Variants in SLCO2A1 observed in about 807,000 individuals in gnomAD.
SLCO2A1 encodes the protein solute carrier organic anion transporter family member 2A1.
SLCO2A1 carries 60 observed loss-of-function variants against 71.7 expected under a neutral mutation model. The ratio of observed to expected loss-of-function variants is 0.84; its 90% confidence interval spans 0.68 to 1.04. The LOEUF (loss-of-function observed/expected upper bound fraction) is 1.04. Among genes scored for constraint, SLCO2A1 ranks in the 50% least tolerant of loss-of-function variants. The pLI, the probability that SLCO2A1 is intolerant of heterozygous loss-of-function variation, is 0.00. For missense variants in SLCO2A1, 745 were observed against 813.4 expected (o/e 0.92, Z 1.02); for synonymous variants, 308 against 326.7 (o/e 0.94, Z 0.62).
chr3:134,005,376 G>C (rs1935184684), intron 1 of SLCO2A1, among the ~76,000 whole-genome samples: 1 of 151,480 alleles, frequency 6.6e-6, no homozygotes, highest in Non-Finnish European at 1.5e-5. Context: ...TATTGTTTTA[G>C]ATGTCTCTTT....
intron 3 of SLCO2A1, among the ~76,000 whole-genome samples, chr3:133,959,899 T>C (rs1181897367): frequency 6.6e-6 from 1 of 151,420 alleles, no homozygotes; most frequent in Non-Finnish European, 1.5e-5. Context: ...GGCGGGCAGA[T>C]CACAAGGTCA....
chr3:133,986,968 C>G (rs1934728466), intron 1 of SLCO2A1, among the ~76,000 whole-genome samples: 1 of 152,128 alleles, frequency 6.6e-6, no homozygotes, highest in Non-Finnish European at 1.5e-5. Flanking sequence ...ATAGGAACAC[C>G]AGCGGAAGGT....
intron 9 of SLCO2A1, 98 bp downstream of exon 9, chr3:133,947,158 A>C: frequency 9.2e-7 from 1 of 1,081,230 alleles, no homozygotes; most frequent in Non-Finnish European, 1.3e-6. Flanking sequence ...GTGTACAGCA[A>C]AGAATAGAGT....
Position 133,934,658 on chromosome 3 carries a change from G to T in SLCO2A1, c.*55C>A. 2.5e-6 allele frequency: 3 copies of T among 1,184,484 alleles called. No homozygotes were observed. The highest frequency in any genetic ancestry group is 3.8e-6 in the Non-Finnish European group (3 of 792,398). 73.4% of individuals were successfully genotyped at this position (1,184,484 alleles called of 1,614,324 possible). On this transcript the variant is annotated 3_prime_UTR_variant, in exon 14 of 14. Coordinates refer to ENST00000310926, the MANE Select transcript of SLCO2A1 (RefSeq NM_005630.3). ...GTGTTAACATTAGTGAGTATAGGCA[G>T]GTGTGGAAGAGTCAAGGTCCACTCT...
Position 133,951,547 on chromosome 3 carries a change from A to C in SLCO2A1, c.725-203T>G, listed in dbSNP as rs4854769. ...AGAGGACCAAGGCCACTGCACATGA[A>C]GCACAGCATCAGAAAATCCCCGGGC... On this transcript the variant is annotated intron_variant, in intron 5 of 13. Coordinates refer to ENST00000310926, the MANE Select transcript of SLCO2A1 (RefSeq NM_005630.3). 0.24 allele frequency among the ~76,000 whole-genome samples: 36,759 copies of C among 152,142 alleles called. 4,633 individuals are homozygous for C. The highest frequency in any genetic ancestry group is 0.3 in the African/African-American group (12,501 of 41,486).
intron 3 of SLCO2A1, among the ~76,000 whole-genome samples, chr3:133,969,113 C>T (rs1265149402): frequency 2.0e-5 from 3 of 152,156 alleles, no homozygotes; most frequent in African/African-American, 4.8e-5. Flanking sequence ...ATTTCAAATA[C>T]CACAACAAGG....
At chr3:133,955,865 G>A (rs951006798) in intron 3 of SLCO2A1, among the ~76,000 whole-genome samples, 7 of 152,200 alleles carry the variant, frequency 4.6e-5, no homozygotes, top group African/African-American at 1.2e-4. Context: ...AGACCCTCTC[G>A]TTCAGCCTCT....
At chr3:134,001,684 G>A (rs1016660349) in intron 1 of SLCO2A1, among the ~76,000 whole-genome samples, 3 of 152,124 alleles carry the variant, frequency 2.0e-5, no homozygotes, top group African/African-American at 7.2e-5. Flanking sequence ...GTGAGAGTGA[G>A]GGGCTTCAGT....
intron 1 of SLCO2A1, among the ~76,000 whole-genome samples, chr3:134,012,140 C>T (rs1935358729): frequency 1.3e-5 from 2 of 152,298 alleles, no homozygotes; most frequent in African/African-American, 4.8e-5. Context: ...CATGTCCCAG[C>T]AACGCCCACC....
chr3:134,004,931 A>G (rs1337075722), intron 1 of SLCO2A1, among the ~76,000 whole-genome samples: 2 of 152,260 alleles, frequency 1.3e-5, no homozygotes, highest in Non-Finnish European at 2.9e-5. Context: ...TTACAGCAGC[A>G]ATAGGAGACT....
chr3:134,014,524 C>G (rs1053590920), intron 1 of SLCO2A1, among the ~76,000 whole-genome samples: 3 of 152,166 alleles, frequency 2.0e-5, no homozygotes, highest in African/African-American at 7.2e-5. Context: ...ACTGAAAGGG[C>G]TGGGGATTAC....
intron 1 of SLCO2A1, among the ~76,000 whole-genome samples, chr3:133,989,420 G>A (rs768680158): frequency 1.3e-5 from 2 of 152,118 alleles, no homozygotes; most frequent in Non-Finnish European, 2.9e-5. Context: ...ACACCCCTCT[G>A]AGACTTCCCT....
rs371117901 is a variant in SLCO2A1 at position 133,939,663 on chromosome 3, C to T, written c.1626-1170G>A. Among the ~76,000 whole-genome samples, 4 of 152,238 alleles carry T rather than the reference C, an allele frequency of 2.6e-5. No individual in the cohort carries two copies. The East Asian group carries it at 7.7e-4, about 29-fold the overall frequency. On this transcript the variant is annotated intron_variant, in intron 11 of 13. Coordinates refer to ENST00000310926, the MANE Select transcript of SLCO2A1 (RefSeq NM_005630.3). ...CAAAGTGTCTCAAATCCTGTTGTGTCTACAGATCCCTCCAGTGGTCCAGTT... is the reference window on the plus strand; with the variant it reads ...CAAAGTGTCTCAAATCCTGTTGTGTTTACAGATCCCTCCAGTGGTCCAGTT...
intron 9 of SLCO2A1, among the ~76,000 whole-genome samples, chr3:133,946,415 G>A (rs976434788): frequency 6.6e-6 from 1 of 152,116 alleles, no homozygotes. Flanking sequence ...AGCTCTTCCT[G>A]AACATAAAGC....
chr3:133,989,920 T>C (rs1934801482), intron 1 of SLCO2A1, among the ~76,000 whole-genome samples: 1 of 152,240 alleles, frequency 6.6e-6, no homozygotes, highest in South Asian at 2.1e-4. Flanking sequence ...GATCACTTTG[T>C]GGGAAGCAAA....
At chr3:133,978,655 C>T (rs1363349054) in intron 2 of SLCO2A1, among the ~76,000 whole-genome samples, 1 of 152,098 alleles carries the variant, frequency 6.6e-6, no homozygotes, top group African/African-American at 2.4e-5. Flanking sequence ...TCCAGAGGAG[C>T]AACCCGGCTC....
intron 1 of SLCO2A1, among the ~76,000 whole-genome samples, chr3:133,982,897 A>T (rs765865180): frequency 3.3e-5 from 5 of 151,910 alleles, no homozygotes; most frequent in Non-Finnish European, 5.9e-5. Context: ...AAAAACCAAC[A>T]CTGCTGTTAG....
At chr3:133,954,021 A>C (rs1339242992) in intron 4 of SLCO2A1, among the ~76,000 whole-genome samples, 1 of 152,134 alleles carries the variant, frequency 6.6e-6, no homozygotes, top group Non-Finnish European at 1.5e-5. Flanking sequence ...AAGGCATTTA[A>C]AAATGCCAGG....
At chr3:133,986,060 T>C (rs1156391154) in intron 1 of SLCO2A1, among the ~76,000 whole-genome samples, 2 of 152,236 alleles carry the variant, frequency 1.3e-5, no homozygotes, top group Non-Finnish European at 2.9e-5. Flanking sequence ...CTTTTTAATT[T>C]TGTGGTGGTA....
Sources: allele counts gnomAD v4.1 joint callset (sites outside exome capture counted in the v4.1 genomes callset), GRCh38; gene constraint gnomAD v4.1.1; transcripts MANE v1.5; gene names NCBI Gene and HGNC (gene_info 2026-07-23, HGNC 2026-07-21).